The following TCF4 variants were observed in gnomAD, a reference collection of about 807,000 sequenced individuals.
TCF4 encodes the protein SL3-3 enhancer factor 2.
Under a neutral mutation model 82.1 loss-of-function variants are expected in TCF4, and 3 were observed. That is an observed-to-expected ratio of 0.04 (90% CI 0.02 to 0.09). The LOEUF is 0.09. Ranked by LOEUF, TCF4 falls within the 10% of genes least tolerant of loss-of-function variation. The probability of loss-of-function intolerance (pLI) is 1.00; values close to 1 mark genes in which losing one functional copy is unlikely to be tolerated. For synonymous variants in TCF4, 276 were observed against 309.6 expected, an observed-to-expected ratio of 0.89 and a Z score of 1.14; for missense variants, 518 against 852.7, an observed-to-expected ratio of 0.61 and a Z score of 4.89.
chr18:55,278,614 G>A (rs950765006), intron 9 of TCF4, among the ~76,000 whole-genome samples: 5 of 152,016 alleles, frequency 3.3e-5, no homozygotes, highest in African/African-American at 4.8e-5. Context: ...TGTTGCCCAG[G>A]CTGGAGTGCA....
intron 15 of TCF4, among the ~76,000 whole-genome samples, chr18:55,248,847 C>A (rs1238319226): frequency 6.6e-6 from 1 of 152,120 alleles, no homozygotes; most frequent in African/African-American, 2.4e-5. Flanking sequence ...AGAGTTCAAG[C>A]AATTCTCCTG....
intron 15 of TCF4, among the ~76,000 whole-genome samples, chr18:55,250,235 C>T (rs573051873): frequency 2.0e-5 from 3 of 152,218 alleles, no homozygotes; most frequent in South Asian, 2.1e-4. Context: ...AGGCACTCAG[C>T]GCAAACATGT....
chr18:55,554,674 C>A (rs2097289024), intron 3 of TCF4, among the ~76,000 whole-genome samples: 1 of 152,136 alleles, frequency 6.6e-6, no homozygotes, highest in Non-Finnish European at 1.5e-5. Flanking sequence ...AGGAAGCAAG[C>A]GGCTGCCATA....
chr18:55,563,596 T>C (rs1417613403), intron 3 of TCF4, among the ~76,000 whole-genome samples: 2 of 152,246 alleles, frequency 1.3e-5, no homozygotes, highest in African/African-American at 4.8e-5. Context: ...TTCAAACTCC[T>C]GGACTAAACT....
chr18:55,602,745 T>C (rs772691078), intron 2 of TCF4, among the ~76,000 whole-genome samples: 6 of 152,186 alleles, frequency 3.9e-5, no homozygotes, highest in African/African-American at 9.7e-5. Context: ...AGTCTTAGAA[T>C]TGAGAAACAC....
intron 3 of TCF4, among the ~76,000 whole-genome samples, chr18:55,515,041 T>C (rs1743012722): frequency 6.6e-6 from 1 of 152,072 alleles, no homozygotes; most frequent in Admixed American, 6.6e-5. Flanking sequence ...AGGATGAAAA[T>C]AACTTCAGCA....
chr18:55,542,300 G>A (rs1270604803), intron 3 of TCF4, among the ~76,000 whole-genome samples: 1 of 151,922 alleles, frequency 6.6e-6, no homozygotes, highest in Non-Finnish European at 1.5e-5. Flanking sequence ...CATCCACATA[G>A]AATCTTAAAA....
chr18:55,618,342 T>A (rs1785411539), intron 2 of TCF4, among the ~76,000 whole-genome samples: 1 of 152,200 alleles, frequency 6.6e-6, no homozygotes, highest in African/African-American at 2.4e-5. Context: ...TCTTTACATT[T>A]CTAAGAATCT....
At chr18:55,527,286 AG>A (rs2096996512) in intron 3 of TCF4, among the ~76,000 whole-genome samples, 1 of 152,194 alleles carries the variant, frequency 6.6e-6, no homozygotes, top group African/African-American at 2.4e-5. Flanking sequence ...GGTCAAAGAG[AG>A]GTTCATCTAA....
chr18:55,247,846 A>G lies in TCF4; in HGVS notation c.1350+6651T>C, dbSNP rs28558174. 7.6e-3 allele frequency among the ~76,000 whole-genome samples: 1,153 copies of G among 152,298 alleles called. 13 individuals are homozygous for G. The highest frequency in any genetic ancestry group is 0.026 in the African/African-American group (1,094 of 41,560). ...GCTTGTTGGACTTGATTTGTGGGCA[A>G]TTCTATTGGGCAGAAACATAAGGAC... On this transcript the variant is annotated intron_variant, in intron 15 of 19. Transcript: ENST00000354452.
intron 8 of TCF4, among the ~76,000 whole-genome samples, chr18:55,313,558 A>T (rs1245872310): frequency 6.6e-6 from 1 of 152,184 alleles, no homozygotes; most frequent in Non-Finnish European, 1.5e-5. Flanking sequence ...TCAAAATTTA[A>T]AAAAGAAAAG....
intron 3 of TCF4, among the ~76,000 whole-genome samples, chr18:55,519,450 A>C (rs901557633): frequency 2.0e-5 from 3 of 151,972 alleles, no homozygotes; most frequent in Admixed American, 6.6e-5. Context: ...AGAAAAAAAA[A>C]AAAAAAGATG....
rs1231255863 is a variant in TCF4 at position 55,223,833 on chromosome 18, C to G, written c.*4202G>C. On this transcript the variant is annotated 3_prime_UTR_variant, in exon 20 of 20. Transcript: ENST00000354452. The stretch of plus-strand genomic sequence containing the variant: ...ACAAAAACAAAAACAAAACAAAAAA[C>G]AAACAAAAAAGCTACCCATACAGTT... 1 of 151,132 alleles carries G rather than the reference C, an allele frequency of 6.6e-6. No individual in the cohort carries two copies. Among genetic ancestry groups the G allele is most frequent in the Non-Finnish European group, 1.5e-5 (1 of 67,658 alleles). The allele number at this position is 151,132 out of a possible 1,614,324, so 9.4% of individuals were successfully genotyped here.
intron 8 of TCF4, among the ~76,000 whole-genome samples, chr18:55,294,826 C>T (rs56098771): frequency 0.033 from 5,050 of 152,248 alleles, 275 homozygotes; most frequent in African/African-American, 0.12. Context: ...CACTATGTTG[C>T]CCAGGCTGGT....
intron 2 of TCF4, among the ~76,000 whole-genome samples, chr18:55,597,013 G>T (rs1219638317): frequency 6.6e-6 from 1 of 152,080 alleles, no homozygotes; most frequent in Non-Finnish European, 1.5e-5. Flanking sequence ...CTTCTCATGA[G>T]ATCTGGCTGT....
chr18:55,245,573 G>A (rs899113370), intron 15 of TCF4, among the ~76,000 whole-genome samples: 6 of 152,212 alleles, frequency 3.9e-5, no homozygotes, highest in Non-Finnish European at 7.3e-5. Context: ...ATGCAGCCCT[G>A]GCTGGCAAGC....
intron 3 of TCF4, among the ~76,000 whole-genome samples, chr18:55,476,847 C>A (rs183175728): frequency 1.5e-4 from 23 of 152,308 alleles, no homozygotes; most frequent in Admixed American, 1.4e-3. Flanking sequence ...AAATGTTCCT[C>A]ACAATTCCAC....
chr18:55,583,947 CAT>C (rs2097605436), intron 3 of TCF4, among the ~76,000 whole-genome samples: 1 of 152,138 alleles, frequency 6.6e-6, no homozygotes, highest in East Asian at 1.9e-4. Context: ...AAGTGGAAAA[CAT>C]AACCAGGTCC....
At position 55,401,364 on chromosome 18, in the gene TCF4, C is replaced by T. The variant is rs920336234; in HGVS notation, c.369+2090G>A. On this transcript the variant is annotated intron_variant, in intron 6 of 19. Coordinates refer to ENST00000354452, the MANE Select transcript of TCF4 (RefSeq NM_001083962.2). ...TAGTAGACTCTTGCAAGACTCACAA[C>T]CATGAAGCACAAATTAAGAATGAAG... 3.6e-6 allele frequency: 4 copies of T among 1,115,116 alleles called. No individual in the cohort carries two copies. The African/African-American group carries it at 6.6e-5, about 18-fold the overall frequency. The allele number at this position is 1,115,116 out of a possible 1,614,324, so 69.1% of individuals were successfully genotyped here.
Sources: allele counts gnomAD v4.1 joint callset (sites outside exome capture counted in the v4.1 genomes callset), GRCh38; gene constraint gnomAD v4.1.1; transcripts MANE v1.5; gene names NCBI Gene and HGNC (gene_info 2026-07-23, HGNC 2026-07-21).